Variants in EXOC4 observed in about 807,000 individuals in gnomAD.
EXOC4 encodes SEC8-like 1.
EXOC4 carries 71 observed loss-of-function variants against 107.2 expected under a neutral mutation model. The observed-to-expected ratio is 0.66, with a 90% CI of 0.55 to 0.81. EXOC4 has a LOEUF of 0.81. EXOC4 is among the 30% of genes least tolerant of loss of function. The pLI is 0.00. For missense variants in EXOC4, 1,108 were observed against 1,189.6 expected, an observed-to-expected ratio of 0.93 and a Z score of 1.01; for synonymous variants, 456 against 441.2, an observed-to-expected ratio of 1.03 and a Z score of -0.42.
chr7:133,617,993 TAC>T (rs1205015817), intron 9 of EXOC4, among the ~76,000 whole-genome samples: 1 of 152,076 alleles, frequency 6.6e-6, no homozygotes, highest in African/African-American at 2.4e-5. Flanking sequence ...CATGCAAACA[TAC>T]ACACACATGA....
chr7:133,499,075 A>G (rs942071553), intron 9 of EXOC4, among the ~76,000 whole-genome samples: 1 of 149,120 alleles, frequency 6.7e-6, no homozygotes, highest in Non-Finnish European at 1.5e-5. Flanking sequence ...TTCTTCTTTT[A>G]TTCTCTTAAC....
chr7:134,074,653 G>A, the EXOC4 span, among the ~76,000 whole-genome samples: 1 of 152,208 alleles, frequency 6.6e-6, no homozygotes, highest in Non-Finnish European at 1.5e-5. Flanking sequence ...GGTCTCGACT[G>A]CCACTCCCAG....
At chr7:133,998,994 C>A (rs1003234133) in intron 15 of EXOC4, among the ~76,000 whole-genome samples, 1 of 151,708 alleles carries the variant, frequency 6.6e-6, no homozygotes, top group African/African-American at 2.4e-5. Flanking sequence ...GGGGCCAGAG[C>A]AACTGTGTGC....
At chr7:133,259,133 A>G (rs1246066333) in intron 1 of EXOC4, among the ~76,000 whole-genome samples, 2 of 152,176 alleles carry the variant, frequency 1.3e-5, no homozygotes, top group African/African-American at 2.4e-5. Flanking sequence ...CATTTTTTAA[A>G]ATATTGCTAT....
At chr7:133,723,584 G>C (rs1795153029) in intron 10 of EXOC4, among the ~76,000 whole-genome samples, 1 of 152,026 alleles carries the variant, frequency 6.6e-6, no homozygotes, top group South Asian at 2.1e-4. Context: ...TCTGCCTTCT[G>C]GGTTCAGCGA....
intron 10 of EXOC4, among the ~76,000 whole-genome samples, chr7:133,761,108 G>A (rs181288923): frequency 6.6e-6 from 1 of 152,258 alleles, no homozygotes; most frequent in African/African-American, 2.4e-5. Context: ...TAAATCTACT[G>A]GGGCTTCAGC....
At chr7:133,391,641 A>G (rs569888176) in intron 7 of EXOC4, among the ~76,000 whole-genome samples, 1 of 152,320 alleles carries the variant, frequency 6.6e-6, no homozygotes, top group South Asian at 2.1e-4. Context: ...CTTTTCAGAG[A>G]TAGGATGATG....
chr7:133,362,799 T>C (rs941182943), intron 6 of EXOC4, among the ~76,000 whole-genome samples: 1 of 152,246 alleles, frequency 6.6e-6, no homozygotes, highest in Non-Finnish European at 1.5e-5. Flanking sequence ...CATGAGTTTC[T>C]ATTTCACATA....
chr7:133,799,223 C>T (rs1796880504), intron 10 of EXOC4, among the ~76,000 whole-genome samples: 1 of 152,088 alleles, frequency 6.6e-6, no homozygotes, highest in South Asian at 2.1e-4. Flanking sequence ...AGAGGTATCC[C>T]CCCTGTGAAT....
chr7:133,523,532 G>C (rs941642299), intron 9 of EXOC4, among the ~76,000 whole-genome samples: 3 of 151,166 alleles, frequency 2.0e-5, no homozygotes, highest in Non-Finnish European at 4.4e-5. Flanking sequence ...ATGCTGGTGC[G>C]CTGCACCCAC....
chr7:133,356,198 T>A (rs1796016828), intron 5 of EXOC4, 132 bp from the exon 6 acceptor site: 1 of 896,940 alleles, frequency 1.1e-6, no homozygotes, highest in East Asian at 2.6e-5. Flanking sequence ...TGTGCAAATA[T>A]AATTTAATTG....
intron 10 of EXOC4, among the ~76,000 whole-genome samples, chr7:133,701,435 A>T (rs1430626626): frequency 6.6e-6 from 1 of 152,190 alleles, no homozygotes; most frequent in Non-Finnish European, 1.5e-5. Context: ...TTTTGCATAC[A>T]GTGGGGCCTT....
chr7:133,959,878 TG>T (rs1800902550), intron 14 of EXOC4, among the ~76,000 whole-genome samples: 1 of 152,180 alleles, frequency 6.6e-6, no homozygotes, highest in Admixed American at 6.5e-5. Flanking sequence ...ACCAGTTCCA[TG>T]TAAGGGAAGA....
At chr7:133,687,507 A>G (rs1479121879) in intron 10 of EXOC4, among the ~76,000 whole-genome samples, 1 of 152,084 alleles carries the variant, frequency 6.6e-6, no homozygotes, top group African/African-American at 2.4e-5. Flanking sequence ...ATTCACCATA[A>G]TTGCTTCCTT....
intron 14 of EXOC4, among the ~76,000 whole-genome samples, chr7:133,947,904 A>G (rs527838026): frequency 8.6e-4 from 131 of 152,352 alleles, no homozygotes; most frequent in African/African-American, 3.1e-3. Flanking sequence ...TAAAATGGAA[A>G]CAACAAGATA....
At chr7:133,330,420 C>G (rs1345835831) in intron 5 of EXOC4, among the ~76,000 whole-genome samples, 1 of 152,062 alleles carries the variant, frequency 6.6e-6, no homozygotes, top group East Asian at 1.9e-4. Context: ...GCACCCCTTT[C>G]CAGGGGAGTG....
intron 10 of EXOC4, among the ~76,000 whole-genome samples, chr7:133,698,184 CTG>C (rs1364242321): frequency 6.6e-6 from 1 of 151,866 alleles, no homozygotes; most frequent in African/African-American, 2.4e-5. Flanking sequence ...CCCCTGCTCT[CTG>C]TATCAGTGCC....
chr7:133,897,611 C>A (rs13309851), intron 12 of EXOC4, among the ~76,000 whole-genome samples: 94,342 of 151,950 alleles, frequency 0.62, 31,947 homozygotes, highest in African/African-American at 0.9. Flanking sequence ...AAAAGCAAAA[C>A]ATATCCAGCT....
At chr7:133,317,067 G>A (rs940363795) in intron 4 of EXOC4, among the ~76,000 whole-genome samples, 4 of 152,016 alleles carry the variant, frequency 2.6e-5, no homozygotes, top group Non-Finnish European at 4.4e-5. Flanking sequence ...TTAAGTACTT[G>A]GAACCCTTAC....
Sources: allele counts gnomAD v4.1 joint callset (sites outside exome capture counted in the v4.1 genomes callset), GRCh38; gene constraint gnomAD v4.1.1; transcripts MANE v1.5; gene names NCBI Gene and HGNC (gene_info 2026-07-23, HGNC 2026-07-21).